Variants in KIF13A observed in about 807,000 individuals in gnomAD.
KIF13A encodes kinesin family member 13A, also known as kinesin-like protein KIF13A.
Under a neutral mutation model 212.2 loss-of-function variants are expected in KIF13A, and 79 were observed. That is an observed-to-expected ratio of 0.37 (90% confidence interval 0.31 to 0.45). The LOEUF (loss-of-function observed/expected upper bound fraction) is 0.45, where lower values mean the gene tolerates loss of function less well. Ranked by LOEUF, KIF13A falls within the 20% of genes least tolerant of loss-of-function variation. The probability of loss-of-function intolerance (pLI) is 1.00; values close to 1 mark genes in which losing one functional copy is unlikely to be tolerated. For synonymous variants in KIF13A, 789 were observed against 808.6 expected (o/e 0.98, Z 0.41); for missense variants, 1,901 against 2,209.0 (o/e 0.86, Z 2.79).
At chr6:17,796,580 A>G in intron 23 of KIF13A, 89 bp downstream of exon 23, 2 of 832,892 alleles carry the variant, frequency 2.4e-6, no homozygotes, top group Non-Finnish European at 3.4e-6. Context: ...ATTTTTTTAT[A>G]AGCAGCCTCC....
chr6:17,821,684 TGTTA>T (rs900841888), intron 16 of KIF13A: 17 of 1,288,980 alleles, frequency 1.3e-5, no homozygotes, highest in South Asian at 4.5e-5. Context: ...TTCCCAATCA[TGTTA>T]GTTAGATTTT....
In KIF13A at chr6:17,808,869, A is replaced by G. The variant is rs1763199653; in HGVS notation, c.2062T>C (p.Leu688=). 6.2e-7 allele frequency: 1 copy of G among 1,613,748 alleles called. No individual in the cohort carries two copies. Among genetic ancestry groups the G allele is most frequent in the East Asian group, 2.2e-5 (1 of 44,878 alleles). The change falls in exon 18 of 39, where the codon TTG becomes CTG. Residue 688 remains leucine, a synonymous_variant. Coordinates refer to ENST00000259711, the MANE Select transcript of KIF13A (RefSeq NM_022113.6). The part of the protein sequence containing the change: ...LREQLVKANT[L]VREANFLAEE... ...GCCAGGAAGTTTGCTTCCCTCACCA[A>G]GGTATTAGCTTTAACCAGCTGCTCT...
At chr6:17,976,505 C>A (rs919780697) in intron 2 of KIF13A, among the ~76,000 whole-genome samples, 2 of 152,212 alleles carry the variant, frequency 1.3e-5, no homozygotes, top group East Asian at 1.9e-4. Context: ...AAGCCCACGC[C>A]CACCCAGAAC....
intron 32 of KIF13A, 63 bp downstream of exon 32, chr6:17,779,529 C>T (rs1377238065): frequency 4.2e-6 from 3 of 719,938 alleles, no homozygotes; most frequent in Non-Finnish European, 7.1e-6. Flanking sequence ...GCCTCGGCCT[C>T]TCAAAGTGCT....
At position 17,898,130 on chromosome 6, in the gene KIF13A, A is replaced by G. The variant is rs1382948899; in HGVS notation, c.159+38T>C. On this transcript the variant is annotated intron_variant, in intron 3 of 38. Transcript: ENST00000259711. The surrounding 1 kb of genome is among the most constrained non-coding windows in gnomAD (Gnocchi z 5.2). The stretch of plus-strand genomic sequence containing the variant: ...GATAAATCCTGGATTTTTGCACACT[A>G]AGCCAGTATACATGCCAAATTTCAT... 2.5e-6 allele frequency: 4 copies of G among 1,604,172 alleles called. No homozygotes were observed. The highest frequency in any genetic ancestry group is 2.6e-6 in the Non-Finnish European group (3 of 1,172,436).
At chr6:17,879,916 A>G (rs946972651) in intron 3 of KIF13A, among the ~76,000 whole-genome samples, 8 of 152,306 alleles carry the variant, frequency 5.3e-5, no homozygotes, top group African/African-American at 1.4e-4. Flanking sequence ...GAGAAAACCA[A>G]TTTCTCAAGA....
chr6:17,958,870 CTTTTTCT>C (rs1279017330), intron 2 of KIF13A, among the ~76,000 whole-genome samples: 2 of 102,628 alleles, frequency 1.9e-5, no homozygotes, highest in Non-Finnish European at 3.8e-5. Flanking sequence ...GTGTCTTTTT[CTTTTTCT>C]TTTTTTTTTT....
At chr6:17,884,647 A>C in intron 3 of KIF13A, among the ~76,000 whole-genome samples, 1 of 152,220 alleles carries the variant, frequency 6.6e-6, no homozygotes, top group East Asian at 1.9e-4. Flanking sequence ...CAAATCTAAA[A>C]TCAAAAGGGC....
In KIF13A at chr6:17,856,118, T is replaced by G; in HGVS notation, c.225A>C (p.Gln75His). The G allele has an allele frequency of 1.2e-6, 2 of 1,607,810 alleles. No individual in the cohort carries two copies. Among genetic ancestry groups the G allele is most frequent in the Non-Finnish European group, 1.7e-6 (2 of 1,175,198 alleles). The stretch of plus-strand genomic sequence containing the variant: ...CCCCAAGGCACTTGAAAACCACTTC[T>G]TGACCTAAAAAACAAGACAAATATT... ...DESNTTKYAG[Q>H]EVVFKCLGEG... Residue 75 changes from glutamine (Q) to histidine (H), a missense_variant, in exon 5 of 39, where the codon CAA becomes CAC. This residue lies in a region of KIF13A where 506 missense variants were observed against 637.4 expected (regional missense o/e 0.79). Coordinates refer to ENST00000259711, the MANE Select transcript of KIF13A (RefSeq NM_022113.6). This position sits in a 1 kb window ranked among gnomAD's most constrained non-coding sequence, Gnocchi z 4.5.
intron 6 of KIF13A, among the ~76,000 whole-genome samples, chr6:17,853,581 G>A (rs1450425968): frequency 6.6e-6 from 1 of 152,080 alleles, no homozygotes; most frequent in Non-Finnish European, 1.5e-5. Context: ...GATAAAAGCA[G>A]GAACCACACA....
chr6:17,807,424 C>T (rs1455324753), intron 18 of KIF13A, among the ~76,000 whole-genome samples: 3 of 152,166 alleles, frequency 2.0e-5, no homozygotes, highest in South Asian at 2.1e-4. Flanking sequence ...CACTGAGATA[C>T]GCCCTGGTCT....
Position 17,873,359 on chromosome 6 carries a change from T to C in KIF13A, c.220+18A>G, listed in dbSNP as rs1454369152. 1 of 1,566,044 alleles carries C rather than the reference T, an allele frequency of 6.4e-7. No individual in the cohort carries two copies. Among genetic ancestry groups the C allele is most frequent in the African/African-American group, 1.4e-5 (1 of 74,020 alleles). ...AGGCCAGAAGCCCAACTGTCAGGTG[T>C]AGAGGGAGAAAACTTACCAGCGTAT... On this transcript the variant is annotated intron_variant, in intron 4 of 38. Coordinates refer to ENST00000259711, the MANE Select transcript of KIF13A (RefSeq NM_022113.6).
downstream of KIF13A, among the ~76,000 whole-genome samples, chr6:17,763,465 C>T (rs1758681382): frequency 8.5e-6 from 1 of 117,812 alleles, no homozygotes; most frequent in Non-Finnish European, 1.7e-5. Flanking sequence ...GTGAGAGCCA[C>T]ACTCCATCTC....
In KIF13A at chr6:17,828,304, G is replaced by A; in HGVS notation, c.1468C>T (p.Gln490Ter). 2.5e-6 allele frequency: 4 copies of A among 1,610,682 alleles called. No individual in the cohort carries two copies. Among genetic ancestry groups the A allele is most frequent in the Non-Finnish European group, 3.4e-6 (4 of 1,178,278 alleles). ...GATGCAATGTCAATCTCACAGTGCT[G>A]AGGCTGAATTCCTATGCCAAAAAGC... ...IQLFGIGIQP[Q>*]HCEIDIASDG... is the part of the protein sequence containing the mutation. The change falls in exon 14 of 39, where the codon CAG becomes TAG. Residue 490 changes from glutamine (Q) to a stop codon, truncating the protein, a stop_gained. Transcript: ENST00000259711. LOFTEE classifies it high-confidence loss of function. The surrounding 1 kb of genome is among the most constrained non-coding windows in gnomAD (Gnocchi z 4.3).
At chr6:17,854,131 A>G (rs922309390) in intron 6 of KIF13A, among the ~76,000 whole-genome samples, 2 of 152,198 alleles carry the variant, frequency 1.3e-5, no homozygotes, top group South Asian at 2.1e-4. Context: ...AAAATGCACC[A>G]AAGTGTAACA....
chr6:17,857,672 AG>A (rs1468831182), intron 4 of KIF13A, among the ~76,000 whole-genome samples: 1 of 152,202 alleles, frequency 6.6e-6, no homozygotes, highest in Non-Finnish European at 1.5e-5. Flanking sequence ...TGCTGCATTG[AG>A]GAAATAGGTA....
At chr6:17,784,758 G>A (rs138603212) in intron 28 of KIF13A, among the ~76,000 whole-genome samples, 21 of 152,276 alleles carry the variant, frequency 1.4e-4, no homozygotes, top group African/African-American at 3.6e-4. Flanking sequence ...CAGAATTACC[G>A]CAAGAGACCT....
downstream of KIF13A, chr6:17,760,815 A>G (rs773674531): frequency 3.7e-6 from 6 of 1,610,116 alleles, no homozygotes; most frequent in South Asian, 5.5e-5. Flanking sequence ...CCAGGCGAAC[A>G]AAGACGCCAA....
At chr6:17,835,579 A>C (rs1330360433) in intron 11 of KIF13A, among the ~76,000 whole-genome samples, 1 of 152,212 alleles carries the variant, frequency 6.6e-6, no homozygotes, top group Non-Finnish European at 1.5e-5. Context: ...TATTGTGGTA[A>C]GTGCTTTCTA....
Sources: allele counts gnomAD v4.1 joint callset (sites outside exome capture counted in the v4.1 genomes callset), GRCh38; gene constraint gnomAD v4.1.1; regional missense constraint gnomAD v4.1.1; non-coding constraint Gnocchi (gnomAD v3.1); transcripts MANE v1.5; gene names NCBI Gene and HGNC (gene_info 2026-07-23, HGNC 2026-07-21).